The following CNKSR1 variants were observed in gnomAD, a reference collection of about 807,000 sequenced individuals.
CNKSR1 encodes CNK homolog protein 1.
A neutral mutation model predicts 95.6 loss-of-function variants in CNKSR1; 88 were observed. That is an observed-to-expected ratio of 0.92 (90% confidence interval 0.78 to 1.10). The LOEUF is 1.10. CNKSR1 is among the 50% of genes least tolerant of loss of function. The pLI, the probability that CNKSR1 is intolerant of heterozygous loss-of-function variation, is 0.00. For missense variants in CNKSR1, 836 were observed against 912.0 expected (o/e 0.92, Z 1.07); for synonymous variants, 355 against 369.7 (o/e 0.96, Z 0.46).
chr1:26,189,470 C>A lies in CNKSR1; in HGVS notation c.2064C>A (p.Ser688=), dbSNP rs1007171730. The A allele has an allele frequency of 3.5e-5, 57 of 1,613,892 alleles. No homozygotes were observed. Among genetic ancestry groups the A allele is most frequent in the Non-Finnish European group, 4.5e-5 (53 of 1,179,926 alleles). Residue 688 remains serine, a synonymous_variant, in exon 21 of 21, where the codon TCC becomes TCA. Coordinates refer to ENST00000361530, the MANE Select transcript of CNKSR1 (RefSeq NM_006314.3). ...ACTCCACAGAACAGTCCCCCCACTC[C>A]CTGCCCTCTGACCCTGAAGAGCACT... ...TSDSTEQSPH[S]LPSDPEEHSH...
At position 26,188,506 on chromosome 1, in the gene CNKSR1, G is replaced by A; in HGVS notation, c.1590+3G>A. The stretch of plus-strand genomic sequence containing the variant: ...AGGCTGGGTCCCACTCAGCCTCGGT[G>A]AGTGGGGGGCTGCCGGGGGTAGGAG... On this transcript the variant is annotated splice_donor_region_variant and intron_variant, in intron 18 of 20. Transcript: ENST00000361530. 6.2e-7 allele frequency: 1 copy of A among 1,602,938 alleles called. No homozygotes were observed. Among genetic ancestry groups the A allele is most frequent in the Non-Finnish European group, 8.5e-7 (1 of 1,175,118 alleles).
rs1442996166 is a variant in CNKSR1, at chr1:26,178,961, T to C, written c.52+1362T>C. Among the ~76,000 whole-genome samples the C allele has an allele frequency of 2.0e-5, 3 of 152,290 alleles. No individual in the cohort carries two copies. The South Asian group carries it at 6.2e-4, about 32-fold the overall frequency. ...CCTCCCCCAGTGAAGGAGCCTGGCT[T>C]AGAAGGGGAAGAATTCCTTCGAAGA... On this transcript the variant is annotated intron_variant, in intron 1 of 20. Coordinates refer to ENST00000361530, the MANE Select transcript of CNKSR1 (RefSeq NM_006314.3).
chr1:26,188,827 G>A lies in CNKSR1; in HGVS notation c.1746G>A (p.Val582=). The A allele has an allele frequency of 6.2e-7, 1 of 1,612,484 alleles. No individual in the cohort carries two copies. The highest frequency in any genetic ancestry group is 2.2e-5 in the East Asian group (1 of 44,844). Residue 582 remains valine (V), a synonymous_variant, in exon 20 of 21, where the codon GTG becomes GTA. Transcript: ENST00000361530. ...TACGGGGGCTGAGGCAGGGTGGCGT[G>A]TCCCTCCTAGGCCAGCCACAGCCCC... ...GMVRGLRQGG[V]SLLGQPQPLT... is the part of the protein sequence containing the mutation.
intron 16 of CNKSR1, among the ~76,000 whole-genome samples, 190 bp downstream of exon 16, chr1:26,187,672 G>A (rs1319749573): frequency 6.7e-6 from 1 of 148,342 alleles, no homozygotes; most frequent in Non-Finnish European, 1.5e-5. Context: ...ACCCAGGCTG[G>A]AGTGCAGTGG....
intron 20 of CNKSR1, 81 bp from the exon 21 acceptor site, chr1:26,189,198 A>G: frequency 1.9e-6 from 3 of 1,549,412 alleles, no homozygotes; most frequent in Non-Finnish European, 2.7e-6. Context: ...CAGGCACCGG[A>G]CCTCCGGAGT....
chr1:26,188,776 C>T lies in CNKSR1; in HGVS notation c.1695C>T (p.Ser565=). The change falls in exon 20 of 21, where the codon AGC becomes AGT. Residue 565 remains serine, a synonymous_variant. Transcript: ENST00000361530. ...TCCTGCTCTTCCCTCCCACAGACAG[C>T]AGTGAAGAGGCACTGGAAGGAATGG... ...PRTSFGSLTD[S]SEEALEGMVR... The T allele has an allele frequency of 6.2e-7, 1 of 1,609,738 alleles. No homozygotes were observed.
At chr1:26,188,338 AC>A (rs1409145883) in intron 17 of CNKSR1, 31 bp downstream of exon 17, 1 of 1,612,786 alleles carries the variant, frequency 6.2e-7, no homozygotes, top group Non-Finnish European at 8.5e-7. Flanking sequence ...AGTGGGAGGA[AC>A]CCTCACCTGA....
Position 26,188,224 on chromosome 1 carries a change from C to T in CNKSR1, c.1455-10C>T. The T allele has an allele frequency of 6.2e-7, 1 of 1,613,600 alleles. No individual in the cohort carries two copies. Among genetic ancestry groups the T allele is most frequent in the Non-Finnish European group, 8.5e-7 (1 of 1,179,536 alleles). On this transcript the variant is annotated splice_polypyrimidine_tract_variant and intron_variant, in intron 16 of 20. Transcript: ENST00000361530. ...ATGGAAACCCTGTGAGACCTGCTTG[C>T]TCTCCATAGGTGGGTGCGTCATCTC...
intron 14 of CNKSR1, among the ~76,000 whole-genome samples, chr1:26,185,998 G>C (rs1473930389): frequency 2.0e-5 from 3 of 152,150 alleles, no homozygotes; most frequent in African/African-American, 7.2e-5. Context: ...GATGATTTTT[G>C]CTTCTCCAGA....
At chr1:26,181,131 A>C in intron 3 of CNKSR1, 11 of 483,744 alleles carry the variant, frequency 2.3e-5, no homozygotes, top group East Asian at 1.7e-4. Flanking sequence ...AATATACAAA[A>C]TTAGCCAGGT....
At chr1:26,178,335 C>T (rs1468951855) in intron 1 of CNKSR1, among the ~76,000 whole-genome samples, 6 of 152,172 alleles carry the variant, frequency 3.9e-5, no homozygotes, top group African/African-American at 4.8e-5. Flanking sequence ...TCATTTTCCC[C>T]GCTCCACACC....
Position 26,183,570 on chromosome 1 carries a change from A to ATGGG in CNKSR1, c.753+156_753+157insTGGG. The stretch of plus-strand genomic sequence containing the variant: ...AGTCTGGTGAGAGCATCCTCTGCAG[A>ATGGG]GCCCAGGTGATGGGGCCCATGGAAG... On this transcript the variant is annotated intron_variant, in intron 8 of 20. Coordinates refer to ENST00000361530, the MANE Select transcript of CNKSR1 (RefSeq NM_006314.3). 3 of 1,016,786 alleles carry ATGGG rather than the reference A, an allele frequency of 3.0e-6. No individual in the cohort carries two copies. The East Asian group carries it at 7.3e-5, about 25-fold the overall frequency. 63.0% of individuals were successfully genotyped at this position (1,016,786 alleles called of 1,614,324 possible).
Position 26,188,522 on chromosome 1 carries a change from G to A in CNKSR1, c.1590+19G>A. ...AGCCTCGGTGAGTGGGGGGCTGCCG[G>A]GGGTAGGAGGTGGGGATAAACAACA... is the stretch of plus-strand genomic sequence containing the variant. On this transcript the variant is annotated intron_variant, in intron 18 of 20. Coordinates refer to ENST00000361530, the MANE Select transcript of CNKSR1 (RefSeq NM_006314.3). 1.9e-6 allele frequency: 3 copies of A among 1,603,510 alleles called. No homozygotes were observed. The highest frequency in any genetic ancestry group is 2.6e-6 in the Non-Finnish European group (3 of 1,175,460).
intron 16 of CNKSR1, 40 bp downstream of exon 16, chr1:26,187,522 C>G (rs2088777063): frequency 6.9e-6 from 11 of 1,600,776 alleles, no homozygotes; most frequent in Non-Finnish European, 9.4e-6. Flanking sequence ...TCATATGATT[C>G]CCAAACTCTG....
chr1:26,184,432 C>A lies in CNKSR1; in HGVS notation c.1032C>A (p.Pro344=). Residue 344 remains proline, a synonymous_variant, in exon 12 of 21, where the codon CCC becomes CCA. Coordinates refer to ENST00000361530, the MANE Select transcript of CNKSR1 (RefSeq NM_006314.3). ...DSASLGPEPL[P]IPPEPPAILP... ...CCTCCCTTGGCCCTGAGCCCCTGCC[C>A]ATCCCCCCGGAACCCCCAGCCATAC... 2.5e-6 allele frequency: 4 copies of A among 1,613,416 alleles called. No individual in the cohort carries two copies. The highest frequency in any genetic ancestry group is 3.4e-6 in the Non-Finnish European group (4 of 1,179,752).
intron 16 of CNKSR1, 50 bp from the exon 17 acceptor site, chr1:26,188,182 CAA>C: frequency 6.6e-7 from 1 of 1,506,940 alleles, no homozygotes; most frequent in East Asian, 2.3e-5. Context: ...CCCCAGCATA[CAA>C]GAGGGCCCCA....
In CNKSR1 at chr1:26,188,102, T is replaced by C. The variant is rs1045899764; in HGVS notation, c.1455-132T>C. The stretch of plus-strand genomic sequence containing the variant: ...AGCCTCAGTTTCATCATCTATAAAA[T>C]GGGTGACTAAGAGTTCATCCCTCTC... On this transcript the variant is annotated intron_variant, in intron 16 of 20. Transcript: ENST00000361530. The C allele has an allele frequency of 8.9e-6, 7 of 787,858 alleles. No individual in the cohort carries two copies. In the African/African-American group the frequency reaches 1.0e-4, roughly 12 times the overall value. The allele number at this position is 787,858 out of a possible 1,614,324, so 48.8% of individuals were successfully genotyped here.
chr1:26,184,436 C>G lies in CNKSR1; in HGVS notation c.1036C>G (p.Pro346Ala). ...CCTTGGCCCTGAGCCCCTGCCCATCCCCCCGGAACCCCCAGCCATACTCCC... is the reference window on the plus strand; with the variant it reads ...CCTTGGCCCTGAGCCCCTGCCCATCGCCCCGGAACCCCCAGCCATACTCCC... ...ASLGPEPLPI[P>A]PEPPAILPAG... The change falls in exon 12 of 21, where the codon CCC (proline) becomes GCC (alanine). Residue 346 changes from proline (P) to alanine (A), a missense_variant. By Grantham distance (27) the Pro-to-Ala change is conservative. Transcript: ENST00000361530. The G allele has an allele frequency of 6.2e-7, 1 of 1,613,502 alleles. No individual in the cohort carries two copies. Among genetic ancestry groups the G allele is most frequent in the Non-Finnish European group, 8.5e-7 (1 of 1,179,824 alleles).
Position 26,177,540 on chromosome 1 carries a change from G to A in CNKSR1, c.-8G>A. 1 of 1,614,092 alleles carries A rather than the reference G, an allele frequency of 6.2e-7. No individual in the cohort carries two copies. On this transcript the variant is annotated 5_prime_UTR_variant, in exon 1 of 21. Coordinates refer to ENST00000361530, the MANE Select transcript of CNKSR1 (RefSeq NM_006314.3). ...ACAGGAGCTGATTCGAGCTGGCAGA[G>A]CTGGGCCATGGAACCGGTAGAGACC...
Sources: allele counts gnomAD v4.1 joint callset (sites outside exome capture counted in the v4.1 genomes callset), GRCh38; gene constraint gnomAD v4.1.1; transcripts MANE v1.5; gene names NCBI Gene and HGNC (gene_info 2026-07-23, HGNC 2026-07-21).